Variants in DOCK9 observed in about 807,000 individuals in gnomAD.
DOCK9 encodes dedicator of cytokinesis protein 9.
Under a neutral mutation model 263.3 loss-of-function variants are expected in DOCK9, and 89 were observed. The observed-to-expected ratio is 0.34, with a 90% CI of 0.28 to 0.40. DOCK9 has a LOEUF of 0.40. Ranked by LOEUF, DOCK9 falls within the 10% of genes least tolerant of loss-of-function variation. The pLI, the probability that DOCK9 is intolerant of heterozygous loss-of-function variation, is 1.00. For missense variants in DOCK9, 2,140 were observed against 2,603.4 expected (o/e 0.82, Z 3.87); for synonymous variants, 976 against 973.1 (o/e 1.00, Z -0.06).
chr13:98,949,905 A>G, intron 2 of DOCK9: 1 of 475,014 alleles, frequency 2.1e-6, no homozygotes. Flanking sequence ...TCCCAGGCAA[A>G]TGACACCAAA....
chr13:98,936,782 C>A (rs1423988577), intron 2 of DOCK9, among the ~76,000 whole-genome samples: 1 of 152,164 alleles, frequency 6.6e-6, no homozygotes, highest in Non-Finnish European at 1.5e-5. Context: ...CAAGGGAAGA[C>A]TATAGCATGA....
intron 1 of DOCK9, among the ~76,000 whole-genome samples, chr13:98,973,426 C>A (rs1286595115): frequency 6.6e-6 from 1 of 152,174 alleles, no homozygotes; most frequent in Non-Finnish European, 1.5e-5. Flanking sequence ...CAACCAGAAG[C>A]CAAGTCCTAC....
intron 45 of DOCK9, among the ~76,000 whole-genome samples, chr13:98,812,799 A>G (rs1168769527): frequency 2.0e-5 from 3 of 152,060 alleles, no homozygotes; most frequent in East Asian, 1.9e-4. Context: ...GTGTACTATG[A>G]AAGTTTTATT....
At chr13:98,862,845 G>A (rs2093913630) in intron 32 of DOCK9, among the ~76,000 whole-genome samples, 174 bp downstream of exon 32, 1 of 152,164 alleles carries the variant, frequency 6.6e-6, no homozygotes, top group South Asian at 2.1e-4. Context: ...GAGGAGCATG[G>A]CCCATGAGCC....
chr13:98,860,950 G>A (rs1316078914), intron 32 of DOCK9, among the ~76,000 whole-genome samples: 6 of 152,188 alleles, frequency 3.9e-5, no homozygotes, highest in Non-Finnish European at 7.3e-5. Flanking sequence ...AGCAATGACT[G>A]TAGATGTTTG....
intron 12 of DOCK9, 41 bp downstream of exon 12, chr13:98,902,247 G>T (rs1269318796): frequency 6.2e-7 from 1 of 1,601,292 alleles, no homozygotes; most frequent in Non-Finnish European, 8.5e-7. Flanking sequence ...AGCATGCAAA[G>T]TGAGTCTGAG....
intron 1 of DOCK9, among the ~76,000 whole-genome samples, chr13:99,010,410 G>A (rs765976170): frequency 6.6e-6 from 1 of 152,218 alleles, no homozygotes; most frequent in Non-Finnish European, 1.5e-5. Flanking sequence ...GCTTCCTTCT[G>A]AACCTCCACT....
At chr13:98,945,198 T>G (rs994586956) in intron 2 of DOCK9, among the ~76,000 whole-genome samples, 1 of 152,234 alleles carries the variant, frequency 6.6e-6, no homozygotes, top group African/African-American at 2.4e-5. Flanking sequence ...GCTCTACCCT[T>G]AACTTCGTAT....
At chr13:98,994,619 CATAT>C (rs554528356) in intron 1 of DOCK9, among the ~76,000 whole-genome samples, 1 of 152,018 alleles carries the variant, frequency 6.6e-6, no homozygotes, top group Non-Finnish European at 1.5e-5. Context: ...TTGTGTTACT[CATAT>C]ATAATCAGAT....
chr13:98,912,731 C>T (rs1337181198), intron 9 of DOCK9, among the ~76,000 whole-genome samples: 1 of 152,038 alleles, frequency 6.6e-6, no homozygotes, highest in Admixed American at 6.6e-5. Context: ...TAGGAAAAAG[C>T]ATAGATTTTT....
chr13:98,815,015 C>G (rs1329567225), intron 45 of DOCK9, among the ~76,000 whole-genome samples: 3 of 151,154 alleles, frequency 2.0e-5, no homozygotes, highest in Non-Finnish European at 2.9e-5. Context: ...TTTTACTAGG[C>G]TATATAATCT....
intron 9 of DOCK9, among the ~76,000 whole-genome samples, chr13:98,909,603 A>T (rs1038812629): frequency 6.6e-6 from 1 of 152,192 alleles, no homozygotes; most frequent in African/African-American, 2.4e-5. Context: ...CTTCCAAGAC[A>T]CCTAACTTCT....
At chr13:98,993,983 G>A (rs1327301436) in intron 1 of DOCK9, among the ~76,000 whole-genome samples, 6 of 152,090 alleles carry the variant, frequency 3.9e-5, no homozygotes, top group Admixed American at 1.3e-4. Flanking sequence ...GTGAGATTGC[G>A]GGCAATCCAA....
chr13:98,921,444 A>AT (rs940878416), intron 6 of DOCK9, among the ~76,000 whole-genome samples: 77 of 152,250 alleles, frequency 5.1e-4, no homozygotes, highest in African/African-American at 1.8e-3. Flanking sequence ...AATGGGAACT[A>AT]TTTTTTGCCT....
intron 35 of DOCK9, among the ~76,000 whole-genome samples, chr13:98,851,863 G>C (rs1219762125): frequency 6.6e-6 from 1 of 152,108 alleles, no homozygotes; most frequent in Non-Finnish European, 1.5e-5. Flanking sequence ...CTGGGAGTAG[G>C]AGAAGATTTC....
chr13:98,855,982 A>G lies in DOCK9; in HGVS notation c.3747T>C (p.Ala1249=), dbSNP rs760021963. The G allele has an allele frequency of 6.8e-6, 11 of 1,614,028 alleles. No homozygotes were observed. Among genetic ancestry groups the G allele is most frequent in the Non-Finnish European group, 9.3e-6 (11 of 1,179,886 alleles). The change falls in exon 34 of 53, where the codon GCT becomes GCC. Residue 1249 remains alanine (A), a synonymous_variant. Coordinates refer to ENST00000682017, the MANE Select transcript of DOCK9 (RefSeq NM_001366683.2). ...TGCTTATGAGAGATCCTCTCGAATC[A>G]GCATTTCTCACACTGTTGATGTTTG... ...STPNINSVRN[A]DSRGSLISTD... is the part of the protein sequence containing the mutation.
chr13:98,899,040 TTACA>T (rs2047859787), intron 13 of DOCK9, among the ~76,000 whole-genome samples: 1 of 146,242 alleles, frequency 6.8e-6, no homozygotes, highest in African/African-American at 2.5e-5. Context: ...GAAGGGTCTT[TTACA>T]TTACTTAATT....
At position 98,971,435 on chromosome 13, in the gene DOCK9, C is replaced by T. The variant is rs993662869; in HGVS notation, c.126+6349G>A. Among the ~76,000 whole-genome samples, 36 of 152,148 alleles carry T rather than the reference C, an allele frequency of 2.4e-4. 1 individual carries two copies. Among genetic ancestry groups the T allele is most frequent in the African/African-American group, 7.5e-4 (31 of 41,492 alleles). On this transcript the variant is annotated intron_variant, in intron 1 of 52. Coordinates refer to ENST00000682017, the MANE Select transcript of DOCK9 (RefSeq NM_001366683.2). ...TAAAAAGGAAAATAGGGGCCGGGCG[C>T]GGTGGCTCACGCCTGTAGTCCCAGC...
chr13:99,008,516 G>C (rs9517539), intron 1 of DOCK9, among the ~76,000 whole-genome samples: 2 of 152,020 alleles, frequency 1.3e-5, no homozygotes, highest in African/African-American at 4.8e-5. Context: ...TTACAGGCGT[G>C]AGCCACCGCG....
Sources: allele counts gnomAD v4.1 joint callset (sites outside exome capture counted in the v4.1 genomes callset), GRCh38; gene constraint gnomAD v4.1.1; transcripts MANE v1.5; gene names NCBI Gene and HGNC (gene_info 2026-07-23, HGNC 2026-07-21).